Variants in MACROD2 observed in about 807,000 individuals in gnomAD.
The protein encoded by MACROD2 is ADP-ribose glycohydrolase MACROD2.
Under a neutral mutation model 70.4 loss-of-function variants are expected in MACROD2, and 36 were observed. The ratio of observed to expected loss-of-function variants is 0.51; its 90% CI spans 0.39 to 0.68. The LOEUF (loss-of-function observed/expected upper bound fraction) is 0.68. Among genes scored for constraint, MACROD2 ranks in the 30% least tolerant of loss-of-function variants. The pLI is 0.00. For synonymous variants in MACROD2, 172 were observed against 178.8 expected (o/e 0.96, Z 0.30); for missense variants, 496 against 538.4 (o/e 0.92, Z 0.78).
intron 5 of MACROD2, among the ~76,000 whole-genome samples, chr20:14,725,974 C>A (rs191842750): frequency 3.3e-5 from 5 of 152,186 alleles, no homozygotes; most frequent in Non-Finnish European, 7.3e-5. Context: ...TTCCTGTTAT[C>A]ATGTCCCTTA....
chr20:15,453,074 A>G (rs988612538), intron 7 of MACROD2, among the ~76,000 whole-genome samples: 3 of 152,152 alleles, frequency 2.0e-5, no homozygotes, highest in Non-Finnish European at 4.4e-5. Context: ...TGTAGAAGCC[A>G]GACCATGAAC....
At chr20:14,041,767 T>C (rs930152262) in intron 2 of MACROD2, among the ~76,000 whole-genome samples, 10 of 152,296 alleles carry the variant, frequency 6.6e-5, no homozygotes, top group African/African-American at 2.4e-4. Flanking sequence ...GTGAGCAGTA[T>C]CAAGGTAATT....
chr20:14,681,751 A>T (rs1013247434), intron 4 of MACROD2, among the ~76,000 whole-genome samples: 2 of 152,204 alleles, frequency 1.3e-5, no homozygotes, highest in Non-Finnish European at 2.9e-5. Context: ...ATTATAAGTC[A>T]TAAATAGAAT....
At chr20:15,121,761 G>A (rs2076032811) in intron 5 of MACROD2, among the ~76,000 whole-genome samples, 1 of 152,086 alleles carries the variant, frequency 6.6e-6, no homozygotes, top group South Asian at 2.1e-4. Flanking sequence ...TGAAAGCCAG[G>A]AGGAGTTGAA....
At chr20:15,178,863 A>T (rs904153431) in intron 5 of MACROD2, among the ~76,000 whole-genome samples, 1 of 152,174 alleles carries the variant, frequency 6.6e-6, no homozygotes, top group Non-Finnish European at 1.5e-5. Context: ...ATGGCTCTCT[A>T]TGCTTTGTGG....
chr20:15,162,599 G>A (rs1337423615), intron 5 of MACROD2, among the ~76,000 whole-genome samples: 2 of 152,112 alleles, frequency 1.3e-5, no homozygotes, highest in Non-Finnish European at 2.9e-5. Context: ...CCTTAGCACA[G>A]AAATAAAAAT....
intron 3 of MACROD2, among the ~76,000 whole-genome samples, chr20:14,321,987 T>G (rs117042746): frequency 0.021 from 3,125 of 151,338 alleles, 47 homozygotes; most frequent in South Asian, 0.046. Context: ...CCAGTTTTTT[T>G]TTGTTGTTGT....
intron 8 of MACROD2, among the ~76,000 whole-genome samples, chr20:15,599,270 TAGTC>T (rs1228042323): frequency 6.6e-6 from 1 of 151,010 alleles, no homozygotes; most frequent in African/African-American, 2.4e-5. Context: ...AGCACGCCTG[TAGTC>T]CCAGCTACGC....
intron 6 of MACROD2, among the ~76,000 whole-genome samples, chr20:15,233,344 G>T (rs1420838463): frequency 6.6e-6 from 1 of 152,022 alleles, no homozygotes; most frequent in African/African-American, 2.4e-5. Flanking sequence ...CCTTAGCCTG[G>T]GGGAGGAGAA....
chr20:14,141,368 C>T (rs986431625), intron 3 of MACROD2, among the ~76,000 whole-genome samples: 17 of 152,104 alleles, frequency 1.1e-4, no homozygotes, highest in African/African-American at 3.4e-4. Context: ...TTAGCTCTGC[C>T]ACTTGCTAGT....
At chr20:15,007,605 A>G (rs4484094) in intron 5 of MACROD2, among the ~76,000 whole-genome samples, 1 of 152,216 alleles carries the variant, frequency 6.6e-6, no homozygotes, top group Non-Finnish European at 1.5e-5. Context: ...GGGATTTAAT[A>G]TAGGCAATTA....
At chr20:14,606,723 G>A (rs1982831451) in intron 4 of MACROD2, among the ~76,000 whole-genome samples, 1 of 151,994 alleles carries the variant, frequency 6.6e-6, no homozygotes, top group Non-Finnish European at 1.5e-5. Context: ...ATTTTTTTGT[G>A]TGTGTGATTT....
chr20:14,417,931 A>T (rs572575377), intron 3 of MACROD2, among the ~76,000 whole-genome samples: 2 of 152,226 alleles, frequency 1.3e-5, no homozygotes, highest in South Asian at 4.1e-4. Context: ...TTTAGAAATT[A>T]TAATAACACC....
At chr20:14,037,162 T>G (rs2053323337) in intron 2 of MACROD2, among the ~76,000 whole-genome samples, 1 of 152,138 alleles carries the variant, frequency 6.6e-6, no homozygotes, top group African/African-American at 2.4e-5. Context: ...AGCCTTGAGA[T>G]GTATAAGAGC....
At chr20:15,555,187 C>T (rs1368376517) in intron 8 of MACROD2, among the ~76,000 whole-genome samples, 1 of 152,106 alleles carries the variant, frequency 6.6e-6, no homozygotes, top group African/African-American at 2.4e-5. Flanking sequence ...TGGAAGCTTA[C>T]ACAAGAGCCA....
At chr20:14,641,923 AAG>A (rs1600490583) in intron 4 of MACROD2, among the ~76,000 whole-genome samples, 1 of 152,148 alleles carries the variant, frequency 6.6e-6, no homozygotes, top group African/African-American at 2.4e-5. Context: ...AGCCCATAAC[AAG>A]AGAGTCAGCC....
chr20:14,191,928 C>T (rs1182460865), intron 3 of MACROD2, among the ~76,000 whole-genome samples: 2 of 146,936 alleles, frequency 1.4e-5, no homozygotes, highest in East Asian at 4.1e-4. Flanking sequence ...AGAGATAAGT[C>T]ACTTGATCTG....
intron 5 of MACROD2, among the ~76,000 whole-genome samples, chr20:15,051,411 A>G (rs1250401207): frequency 6.7e-6 from 1 of 149,136 alleles, no homozygotes; most frequent in Admixed American, 6.7e-5. Flanking sequence ...ATAGCAGCTG[A>G]CAGATCCAAA....
At chr20:15,801,201 A>C (rs1206101363) in intron 8 of MACROD2, among the ~76,000 whole-genome samples, 1 of 98,110 alleles carries the variant, frequency 1.0e-5, no homozygotes, top group Non-Finnish European at 2.3e-5. Flanking sequence ...AAAAAAAAAA[A>C]AAACGAAAAA....
Sources: allele counts gnomAD v4.1 joint callset (sites outside exome capture counted in the v4.1 genomes callset), GRCh38; gene constraint gnomAD v4.1.1; transcripts MANE v1.5; gene names NCBI Gene and HGNC (gene_info 2026-07-23, HGNC 2026-07-21).